The following TMEM131 variants were observed in gnomAD, a reference collection of about 807,000 sequenced individuals.
TMEM131 encodes the protein 2610524E03Rik.
Under a neutral mutation model 211.6 loss-of-function variants are expected in TMEM131, and 66 were observed. The observed-to-expected ratio is 0.31, with a 90% confidence interval of 0.26 to 0.38. The LOEUF (loss-of-function observed/expected upper bound fraction) is 0.38, where lower values mean the gene tolerates loss of function less well. TMEM131 is among the 10% of genes least tolerant of loss of function. The pLI, the probability that TMEM131 is intolerant of heterozygous loss-of-function variation, is 1.00. For synonymous variants in TMEM131, 844 were observed against 841.3 expected, an observed-to-expected ratio of 1.00 and a Z score of -0.06; for missense variants, 2,036 against 2,299.3, an observed-to-expected ratio of 0.89 and a Z score of 2.34.
chr2:97,815,637 C>A (rs1453667280), intron 12 of TMEM131, among the ~76,000 whole-genome samples: 4 of 152,130 alleles, frequency 2.6e-5, no homozygotes, highest in African/African-American at 9.7e-5. Context: ...GCACTGTTAA[C>A]ATTTTAGGCC....
At chr2:97,815,827 C>A (rs1476339529) in intron 12 of TMEM131, among the ~76,000 whole-genome samples, 1 of 152,166 alleles carries the variant, frequency 6.6e-6, no homozygotes, top group African/African-American at 2.4e-5. Context: ...TGCTGATTTA[C>A]ACTTGAACTG....
chr2:97,870,201 C>T (rs928380648), intron 4 of TMEM131, among the ~76,000 whole-genome samples: 1 of 152,148 alleles, frequency 6.6e-6, no homozygotes, highest in South Asian at 2.1e-4. Context: ...GTTACAGTTT[C>T]AAAATCCTCT....
chr2:97,794,038 A>G (rs1216167335), intron 29 of TMEM131, among the ~76,000 whole-genome samples: 2 of 143,870 alleles, frequency 1.4e-5, no homozygotes, highest in Non-Finnish European at 3.0e-5. Flanking sequence ...AGTTTTATGG[A>G]TAAAAGTTTG....
At chr2:97,968,849 A>G (rs1323420138) in intron 1 of TMEM131, among the ~76,000 whole-genome samples, 2 of 152,118 alleles carry the variant, frequency 1.3e-5, no homozygotes, top group East Asian at 1.9e-4. Context: ...TTGGGAGGCC[A>G]AAGTGGGAGG....
At chr2:97,797,757 C>G (rs950352560) in intron 25 of TMEM131, among the ~76,000 whole-genome samples, 1 of 152,216 alleles carries the variant, frequency 6.6e-6, no homozygotes, top group Admixed American at 6.5e-5. Flanking sequence ...CAAATAAAGT[C>G]CTCAATGTTT....
chr2:97,942,441 G>A lies in TMEM131; in HGVS notation c.188-14954C>T, dbSNP rs1227784783. Among the ~76,000 whole-genome samples the A allele has an allele frequency of 9.3e-5, 14 of 149,932 alleles. 1 individual carries two copies. Among genetic ancestry groups the A allele is most frequent in the Admixed American group, 9.3e-4 (14 of 15,026 alleles). ...GTATACATATGTAACAAACCTGCAC[G>A]TTGTGCACATGTACCCTAGAACTTA... On this transcript the variant is annotated intron_variant, in intron 1 of 40. Coordinates refer to ENST00000186436, the MANE Select transcript of TMEM131 (RefSeq NM_015348.2).
chr2:97,957,337 AG>A (rs953357573), intron 1 of TMEM131, among the ~76,000 whole-genome samples: 1 of 152,242 alleles, frequency 6.6e-6, no homozygotes, highest in African/African-American at 2.4e-5. Flanking sequence ...TATGAATTTT[AG>A]TTTATTATTT....
intron 1 of TMEM131, among the ~76,000 whole-genome samples, chr2:97,983,948 T>A (rs868129511): frequency 1.3e-4 from 20 of 152,278 alleles, no homozygotes; most frequent in African/African-American, 4.3e-4. Context: ...AATAGACTTG[T>A]GTTTTAACCC....
At chr2:97,946,804 A>T (rs1316126524) in intron 1 of TMEM131, among the ~76,000 whole-genome samples, 3 of 152,068 alleles carry the variant, frequency 2.0e-5, no homozygotes, top group Non-Finnish European at 4.4e-5. Flanking sequence ...TTCACATCTT[A>T]TTACAGATGC....
At chr2:97,989,420 C>T (rs1680166247) in intron 1 of TMEM131, among the ~76,000 whole-genome samples, 1 of 152,038 alleles carries the variant, frequency 6.6e-6, no homozygotes, top group Non-Finnish European at 1.5e-5. Context: ...TTCATAAACA[C>T]AGAAAGTAGA....
At chr2:97,910,601 A>G (rs946870026) in intron 2 of TMEM131, among the ~76,000 whole-genome samples, 1 of 152,092 alleles carries the variant, frequency 6.6e-6, no homozygotes, top group African/African-American at 2.4e-5. Context: ...AAGCGTTCCT[A>G]TTTCTCCACA....
chr2:97,883,581 A>C (rs952938009), intron 4 of TMEM131, among the ~76,000 whole-genome samples: 5 of 152,204 alleles, frequency 3.3e-5, no homozygotes, highest in Non-Finnish European at 5.9e-5. Flanking sequence ...TCTAGGCTAA[A>C]GGTTAATTAA....
chr2:97,827,395 G>A (rs553317318), intron 11 of TMEM131: 24 of 1,009,680 alleles, frequency 2.4e-5, no homozygotes, highest in East Asian at 1.7e-4. Context: ...AGACAAAAAC[G>A]TGCAAACAAA....
At chr2:97,808,368 TGA>T (rs1027838715) in intron 19 of TMEM131, among the ~76,000 whole-genome samples, 50 of 152,230 alleles carry the variant, frequency 3.3e-4, no homozygotes, top group African/African-American at 9.2e-4. Context: ...CACTAGGATG[TGA>T]GACACTTTTA....
At chr2:97,879,154 C>G (rs1258035968) in intron 4 of TMEM131, among the ~76,000 whole-genome samples, 3 of 152,216 alleles carry the variant, frequency 2.0e-5, no homozygotes, top group Non-Finnish European at 4.4e-5. Flanking sequence ...TACAACAGAG[C>G]TTCCCAGTGG....
rs1309773985 is a variant in TMEM131 at position 97,802,805 on chromosome 2, T to C, written c.2403-15A>G. The C allele has an allele frequency of 6.6e-7, 1 of 1,523,696 alleles. No homozygotes were observed. Among genetic ancestry groups the C allele is most frequent in the Non-Finnish European group, 8.8e-7 (1 of 1,135,912 alleles). The allele number at this position is 1,523,696 out of a possible 1,614,324, so 94.4% of individuals were successfully genotyped here. On this transcript the variant is annotated splice_polypyrimidine_tract_variant and intron_variant, in intron 22 of 40. Coordinates refer to ENST00000186436, the MANE Select transcript of TMEM131 (RefSeq NM_015348.2). ...TAGCACTCAATCTAGAAAAACAATT[T>C]GTAAGTCACTGTATCAAAATGAAAT... is the stretch of plus-strand genomic sequence containing the variant.
chr2:97,823,513 G>C (rs1682224919), intron 11 of TMEM131, among the ~76,000 whole-genome samples: 1 of 152,168 alleles, frequency 6.6e-6, no homozygotes, highest in Non-Finnish European at 1.5e-5. Context: ...TGCAGCCCAA[G>C]AATTTGGAGA....
At chr2:97,760,363 A>G (rs903068370) in intron 38 of TMEM131, 6 of 562,626 alleles carry the variant, frequency 1.1e-5, no homozygotes, top group African/African-American at 7.5e-5. Flanking sequence ...TGGCTGAGAC[A>G]GGCATGGGTG....
intron 40 of TMEM131, 57 bp downstream of exon 40, chr2:97,758,836 G>A: frequency 1.3e-6 from 2 of 1,554,164 alleles, no homozygotes; most frequent in Non-Finnish European, 1.7e-6. Flanking sequence ...CACAGCAATG[G>A]CAGATGGCGA....
Sources: gnomAD v4.1 joint callset for allele counts (sites outside exome capture counted in the v4.1 genomes callset) on GRCh38, gnomAD v4.1.1 for gene constraint, MANE v1.5 for transcripts, NCBI Gene and HGNC (gene_info 2026-07-23, HGNC 2026-07-21) for gene names.